GABRB1: variants seen among roughly 807,000 people sequenced by gnomAD.
The protein encoded by GABRB1 is gamma-aminobutyric acid receptor subunit beta-1.
Under a neutral mutation model 51.6 loss-of-function variants are expected in GABRB1, and 17 were observed. The ratio of observed to expected loss-of-function variants is 0.33; its 90% CI spans 0.23 to 0.49. The LOEUF is 0.49. Ranked by LOEUF, GABRB1 falls within the 20% of genes least tolerant of loss-of-function variation. The probability of loss-of-function intolerance (pLI) is 0.99; values close to 1 mark genes in which losing one functional copy is unlikely to be tolerated. For synonymous variants in GABRB1, 247 were observed against 218.9 expected, an observed-to-expected ratio of 1.13 and a Z score of -1.14; for missense variants, 410 against 600.6, an observed-to-expected ratio of 0.68 and a Z score of 3.32.
At chr4:47,235,967 T>C (rs1451283497) in intron 4 of GABRB1, among the ~76,000 whole-genome samples, 2 of 152,134 alleles carry the variant, frequency 1.3e-5, no homozygotes, top group East Asian at 1.9e-4. Flanking sequence ...AAATTTCTCA[T>C]TTAAAATGGA....
At chr4:47,118,333 C>T (rs1002154248) in intron 3 of GABRB1, among the ~76,000 whole-genome samples, 1 of 152,078 alleles carries the variant, frequency 6.6e-6, no homozygotes, top group Admixed American at 6.6e-5. Flanking sequence ...ATTCACAGGA[C>T]TCAATGAGAA....
chr4:47,155,916 C>CATATATGTATATATATATATATAT (rs1717672692), intron 3 of GABRB1, among the ~76,000 whole-genome samples: 1 of 73,602 alleles, frequency 1.4e-5, no homozygotes, highest in Non-Finnish European at 3.1e-5. Context: ...GAGGTATTTT[C>CATATATGTATATATATATATATAT]ATATATATAT....
chr4:47,119,702 T>C (rs1046654703), intron 3 of GABRB1, among the ~76,000 whole-genome samples: 8 of 151,878 alleles, frequency 5.3e-5, no homozygotes, highest in African/African-American at 1.9e-4. Flanking sequence ...AGAGACAAGG[T>C]TTCTCCATGT....
At chr4:47,001,350 G>A (rs937307359) in intron 1 of GABRB1, among the ~76,000 whole-genome samples, 19 of 152,104 alleles carry the variant, frequency 1.2e-4, no homozygotes, top group South Asian at 2.1e-4. Flanking sequence ...CACCGTGTTA[G>A]CCAGGATGGT....
chr4:47,195,472 TAGATAGATA>T (rs1719646211), intron 4 of GABRB1, among the ~76,000 whole-genome samples: 5 of 87,612 alleles, frequency 5.7e-5, no homozygotes, highest in Admixed American at 2.6e-4. Flanking sequence ...GATAGATAGA[TAGATAGATA>T]GATAGATAGA....
intron 8 of GABRB1, among the ~76,000 whole-genome samples, chr4:47,421,000 T>C (rs531146772): frequency 6.6e-6 from 1 of 151,510 alleles, no homozygotes; most frequent in East Asian, 1.9e-4. Context: ...CATCAGCCTT[T>C]AGGACAAGTC....
intron 4 of GABRB1, among the ~76,000 whole-genome samples, chr4:47,261,728 T>C (rs1048579904): frequency 5.3e-5 from 8 of 152,102 alleles, no homozygotes; most frequent in Admixed American, 5.2e-4. Flanking sequence ...AGAGCCCGCA[T>C]CACCAAGTCA....
At chr4:47,046,912 G>A (rs1036939054) in intron 3 of GABRB1, among the ~76,000 whole-genome samples, 5 of 152,170 alleles carry the variant, frequency 3.3e-5, no homozygotes, top group South Asian at 2.1e-4. Context: ...AATACGGCAT[G>A]TTTTCAGTCA....
At chr4:47,271,718 G>T (rs889888785) in intron 4 of GABRB1, among the ~76,000 whole-genome samples, 6 of 152,008 alleles carry the variant, frequency 3.9e-5, no homozygotes, top group Admixed American at 1.3e-4. Context: ...AACGTTTCAG[G>T]AGTGGGACAG....
intron 3 of GABRB1, among the ~76,000 whole-genome samples, chr4:47,048,586 G>A (rs1031346161): frequency 1.3e-5 from 2 of 152,086 alleles, no homozygotes. Flanking sequence ...AACCCATAAG[G>A]CTAAGAATAG....
intron 8 of GABRB1, among the ~76,000 whole-genome samples, chr4:47,423,122 T>C (rs1368078473): frequency 6.8e-6 from 1 of 146,436 alleles, no homozygotes; most frequent in Non-Finnish European, 1.5e-5. Flanking sequence ...GATATGTGAA[T>C]GGAAAAAAAA....
In GABRB1 at chr4:47,422,523, C is replaced by G. The variant is rs569305159; in HGVS notation, c.1081-3151C>G. 9.2e-5 allele frequency among the ~76,000 whole-genome samples: 14 copies of G among 152,286 alleles called. No homozygotes were observed. The East Asian group carries it at 2.5e-3, about 27-fold the overall frequency. On this transcript the variant is annotated intron_variant, in intron 8 of 8. Coordinates refer to ENST00000295454, the MANE Select transcript of GABRB1 (RefSeq NM_000812.4). ...AATCTATGAGCCTTCTTCATTCCCCCTGTTCTCTCTGAAACACTATTGACC... is the reference window on the plus strand; with the variant it reads ...AATCTATGAGCCTTCTTCATTCCCCGTGTTCTCTCTGAAACACTATTGACC...
chr4:47,419,532 A>C (rs1729032668), intron 8 of GABRB1, among the ~76,000 whole-genome samples: 1 of 152,214 alleles, frequency 6.6e-6, no homozygotes, highest in Non-Finnish European at 1.5e-5. Flanking sequence ...GTCCAGTAAA[A>C]CATTTAGAAT....
intron 4 of GABRB1, among the ~76,000 whole-genome samples, chr4:47,163,126 T>C (rs1346889226): frequency 6.6e-6 from 1 of 152,118 alleles, no homozygotes; most frequent in South Asian, 2.1e-4. Flanking sequence ...TTCTGACTTC[T>C]TGACCTTGAA....
intron 4 of GABRB1, among the ~76,000 whole-genome samples, chr4:47,313,727 G>A (rs1724786736): frequency 6.6e-6 from 1 of 152,040 alleles, no homozygotes; most frequent in South Asian, 2.1e-4. Flanking sequence ...GTTCAACACT[G>A]TATTACACAG....
intron 5 of GABRB1, among the ~76,000 whole-genome samples, chr4:47,328,338 T>C (rs1220378424): frequency 6.6e-6 from 1 of 152,206 alleles, no homozygotes; most frequent in African/African-American, 2.4e-5. Flanking sequence ...TTGTCAATTT[T>C]GTCTTTTGTT....
chr4:47,320,887 A>T (rs1171195909), intron 5 of GABRB1, among the ~76,000 whole-genome samples: 1 of 150,500 alleles, frequency 6.6e-6, no homozygotes, highest in Non-Finnish European at 1.5e-5. Flanking sequence ...CTCCTGCCTC[A>T]GCCTCCAGAC....
In GABRB1 at chr4:46,995,224, T is replaced by G. The variant is rs1723950535; in HGVS notation, c.-20+1298T>G. On this transcript the variant is annotated intron_variant, in intron 1 of 3. Coordinates refer to the GABRB1 transcript ENST00000513567. Reference sequence around the variant, plus strand: ...AATGAATTGCTTGTTCTCAGATCCATCTTATAAATGTGGATGACTATCAAG... The same window carrying G: ...AATGAATTGCTTGTTCTCAGATCCAGCTTATAAATGTGGATGACTATCAAG... Among the ~76,000 whole-genome samples the G allele has an allele frequency of 2.0e-5, 3 of 152,196 alleles. No homozygotes were observed. In the South Asian group the frequency reaches 6.2e-4, roughly 32 times the overall value.
chr4:47,344,724 T>G (rs1280053250), intron 5 of GABRB1, among the ~76,000 whole-genome samples: 1 of 134,098 alleles, frequency 7.5e-6, no homozygotes, highest in East Asian at 3.7e-4. Context: ...TGTTTTTTTG[T>G]TTTTTGTTTT....
Sources: allele counts gnomAD v4.1 joint callset (sites outside exome capture counted in the v4.1 genomes callset), GRCh38; gene constraint gnomAD v4.1.1; transcripts MANE v1.5; gene names NCBI Gene and HGNC (gene_info 2026-07-23, HGNC 2026-07-21).